SIRPB2: variants seen among roughly 807,000 people sequenced by gnomAD.
SIRPB2 encodes the protein signal regulatory protein beta 2, also known as signal-regulatory protein beta-2.
A neutral mutation model predicts 27.1 loss-of-function variants in SIRPB2; 18 were observed. The ratio of observed to expected loss-of-function variants is 0.66; its 90% CI spans 0.46 to 0.98. The LOEUF is 0.98. Among genes scored for constraint, SIRPB2 ranks in the 50% least tolerant of loss-of-function variants. The pLI, the probability that SIRPB2 is intolerant of heterozygous loss-of-function variation, is 0.00. For missense variants in SIRPB2, 420 were observed against 417.4 expected, an observed-to-expected ratio of 1.01 and a Z score of -0.06; for synonymous variants, 150 against 164.6, an observed-to-expected ratio of 0.91 and a Z score of 0.68.
In SIRPB2 at chr20:1,475,938, G is replaced by C. The variant is rs80135188; in HGVS notation, c.*229C>G. The stretch of plus-strand genomic sequence containing the variant: ...TTGAGGAGAGACTGAGCCAGGGACT[G>C]AAAAGCAAGGAGGTCTTGAACAGGC... On this transcript the variant is annotated 3_prime_UTR_variant, in exon 5 of 5. Coordinates refer to ENST00000359801, the MANE Select transcript of SIRPB2 (RefSeq NM_001122962.2). 3.3e-3 allele frequency: 1,633 copies of C among 493,228 alleles called. 27 individuals are homozygous for C. The highest frequency in any genetic ancestry group is 0.03 in the African/African-American group (1,541 of 50,588). The allele number at this position is 493,228 out of a possible 1,614,324, so 30.6% of individuals were successfully genotyped here. A position where few individuals can be genotyped will look rare whatever the true frequency, so the allele number is the denominator to read the frequency against.
At chr20:1,477,018 A>G in intron 4 of SIRPB2, 1 of 1,291,554 alleles carries the variant, frequency 7.7e-7, no homozygotes, top group Non-Finnish European at 9.9e-7. Context: ...TTAGCTACAA[A>G]GCCATGTTCT....
At chr20:1,483,153 C>T (rs2090690504) in intron 1 of SIRPB2, among the ~76,000 whole-genome samples, 1 of 149,182 alleles carries the variant, frequency 6.7e-6, no homozygotes. Flanking sequence ...GTCACCCAGG[C>T]TCGAGTGCAG....
At chr20:1,490,992 G>A (rs2090771781) in intron 1 of SIRPB2, among the ~76,000 whole-genome samples, 1 of 152,152 alleles carries the variant, frequency 6.6e-6, no homozygotes, top group African/African-American at 2.4e-5. Context: ...TTGTAGAAGA[G>A]GCTCCTGGGG....
chr20:1,489,128 T>C (rs1600027903), intron 1 of SIRPB2, among the ~76,000 whole-genome samples: 1 of 152,202 alleles, frequency 6.6e-6, no homozygotes, highest in East Asian at 1.9e-4. Flanking sequence ...GTGATCCTTA[T>C]TATATACAAT....
chr20:1,490,345 C>A (rs927540925), intron 1 of SIRPB2, among the ~76,000 whole-genome samples: 2 of 152,150 alleles, frequency 1.3e-5, no homozygotes, highest in African/African-American at 4.8e-5. Flanking sequence ...CCAAAGATGT[C>A]ATGGACAGAA....
rs766397321 is a variant in SIRPB2, at chr20:1,479,716, G to A, written c.435C>T (p.Thr145=). 4.3e-6 allele frequency: 7 copies of A among 1,613,978 alleles called. No individual in the cohort carries two copies. In the East Asian group the frequency reaches 1.6e-4, roughly 36 times the overall value. Residue 145 remains threonine (T), a synonymous_variant, in exon 2 of 5, where the codon ACC becomes ACT. Coordinates refer to ENST00000359801, the MANE Select transcript of SIRPB2 (RefSeq NM_001122962.2). ...EHSEMKSDEG[T]SVLVKGAGDP... The stretch of plus-strand genomic sequence containing the variant: ...GATCCTTACCCTTCACAAGCACTGA[G>A]GTGCCTTCATCCGATTTCATTTCTG...
At chr20:1,488,785 G>T (rs1365669617) in intron 1 of SIRPB2, among the ~76,000 whole-genome samples, 1 of 152,070 alleles carries the variant, frequency 6.6e-6, no homozygotes, top group Non-Finnish European at 1.5e-5. Flanking sequence ...ATGTAAAATG[G>T]TACAACTCCT....
intron 4 of SIRPB2, 43 bp downstream of exon 4, chr20:1,477,295 C>T: frequency 2.5e-6 from 4 of 1,614,168 alleles, no homozygotes; most frequent in South Asian, 1.1e-5. Context: ...GGCCCCCTTG[C>T]CTGTGGGGGA....
At chr20:1,489,776 T>G (rs1439897850) in intron 1 of SIRPB2, among the ~76,000 whole-genome samples, 2 of 152,042 alleles carry the variant, frequency 1.3e-5, no homozygotes, top group Non-Finnish European at 2.9e-5. Flanking sequence ...ACTCATATTT[T>G]TCTCGGGGCT....
chr20:1,482,624 A>G (rs1176562350), intron 1 of SIRPB2, among the ~76,000 whole-genome samples: 4 of 142,180 alleles, frequency 2.8e-5, no homozygotes, highest in African/African-American at 8.0e-5. Context: ...TTGGAGTGCA[A>G]TGGCACTATC....
chr20:1,484,872 A>G (rs2090710450), intron 1 of SIRPB2, among the ~76,000 whole-genome samples: 2 of 152,332 alleles, frequency 1.3e-5, no homozygotes, highest in South Asian at 4.1e-4. Context: ...CAGCAATACC[A>G]CTACTGGATG....
Position 1,476,253 on chromosome 20 carries a change from G to T in SIRPB2, c.943C>A (p.Arg315=). 1 of 1,614,042 alleles carries T rather than the reference G, an allele frequency of 6.2e-7. No individual in the cohort carries two copies. The highest frequency in any genetic ancestry group is 8.5e-7 in the Non-Finnish European group (1 of 1,180,004). Residue 315 remains arginine (R), a synonymous_variant, in exon 5 of 5, where the codon CGG becomes AGG. Coordinates refer to ENST00000359801, the MANE Select transcript of SIRPB2 (RefSeq NM_001122962.2). The part of the protein sequence containing the change: ...AALLLALATS[R]RSPGQEDVKT... ...ACATCTTCTTGCCCAGGGCTCCTCC[G>T]AGAGGTAGCCAGGGCCAGTAGGAGT...
chr20:1,487,139 T>G (rs7344097), intron 1 of SIRPB2, among the ~76,000 whole-genome samples: 1 of 152,200 alleles, frequency 6.6e-6, no homozygotes, highest in African/African-American at 2.4e-5. Context: ...AAAAGATCAA[T>G]GTACAAAATT....
intron 1 of SIRPB2, among the ~76,000 whole-genome samples, chr20:1,486,009 A>G (rs2090722171): frequency 6.6e-6 from 1 of 152,012 alleles, no homozygotes; most frequent in Non-Finnish European, 1.5e-5. Flanking sequence ...TCTTCCCAGA[A>G]ATAAAGGTCC....
At chr20:1,471,239 C>A (rs963466775), downstream of SIRPB2, 1 of 152,144 alleles carries the variant, frequency 6.6e-6, no homozygotes, top group Admixed American at 6.5e-5. Flanking sequence ...CATGATTTGG[C>A]CAATCTAGTG....
In SIRPB2 at chr20:1,476,934, T is replaced by C; in HGVS notation, c.859+404A>G. ...TGATTCTTGTCCCCTCCCCGCTAGT[T>C]CATAGAGTCAGATACCAGACTCAAG... On this transcript the variant is annotated intron_variant, in intron 4 of 4. Coordinates refer to ENST00000359801, the MANE Select transcript of SIRPB2 (RefSeq NM_001122962.2). 10 of 1,184,346 alleles carry C rather than the reference T, an allele frequency of 8.4e-6. No homozygotes were observed. The South Asian group carries it at 1.3e-4, about 16-fold the overall frequency. The allele number at this position is 1,184,346 out of a possible 1,614,324, so 73.4% of individuals were successfully genotyped here. A position where few individuals can be genotyped will look rare whatever the true frequency, so the allele number is the denominator to read the frequency against.
intron 2 of SIRPB2, chr20:1,479,149 T>A (rs528171491): frequency 6.1e-6 from 1 of 163,888 alleles, no homozygotes; most frequent in African/African-American, 2.4e-5. Context: ...GTAACTGACT[T>A]AAGAAGGAAC....
At position 1,491,294 on chromosome 20, in the gene SIRPB2, T is replaced by C. The variant is rs200920900; in HGVS notation, c.66A>G (p.Ala22=). The C allele has an allele frequency of 2.5e-6, 4 of 1,611,696 alleles. No individual in the cohort carries two copies. The highest frequency in any genetic ancestry group is 2.2e-5 in the East Asian group (1 of 44,766). ...AHLPPCFLLL[A]LVLVPSDASG... ...ACTTACCTGAGGGGACAAGGACCAG[T>C]GCCAGCAGCAGGAAGCAGGGAGGCA... The change falls in exon 1 of 5, where the codon GCA becomes GCG. Residue 22 remains alanine (A), a synonymous_variant. Coordinates refer to ENST00000359801, the MANE Select transcript of SIRPB2 (RefSeq NM_001122962.2).
At chr20:1,470,760 C>T (rs2090578603), downstream of SIRPB2, 1 of 152,106 alleles carries the variant, frequency 6.6e-6, no homozygotes, top group Middle Eastern at 3.2e-3. Context: ...ATTTTAAATG[C>T]TAATGAGACA....
Sources: allele counts gnomAD v4.1 joint callset (sites outside exome capture counted in the v4.1 genomes callset), GRCh38; gene constraint gnomAD v4.1.1; transcripts MANE v1.5; gene names NCBI Gene and HGNC (gene_info 2026-07-23, HGNC 2026-07-21).